MTCL1: variants seen among roughly 807,000 people sequenced by gnomAD.
MTCL1 encodes microtubule cross-linking factor 1.
Under a neutral mutation model 141.4 loss-of-function variants are expected in MTCL1, and 79 were observed. The ratio of observed to expected loss-of-function variants is 0.56; its 90% CI spans 0.47 to 0.67. MTCL1 has a LOEUF of 0.67. Ranked by LOEUF, MTCL1 falls within the 30% of genes least tolerant of loss-of-function variation. MTCL1 has a pLI of 0.00. For synonymous variants in MTCL1, 914 were observed against 875.8 expected, an observed-to-expected ratio of 1.04 and a Z score of -0.77; for missense variants, 2,177 against 2,113.9, an observed-to-expected ratio of 1.03 and a Z score of -0.59.
intron 4 of MTCL1, among the ~76,000 whole-genome samples, chr18:8,742,909 T>G (rs938405575): frequency 6.6e-6 from 1 of 152,220 alleles, no homozygotes; most frequent in African/African-American, 2.4e-5. Flanking sequence ...TGAAAACACA[T>G]GCACCACTCA....
At chr18:8,737,008 C>T (rs1233708130) in intron 4 of MTCL1, among the ~76,000 whole-genome samples, 1 of 152,142 alleles carries the variant, frequency 6.6e-6, no homozygotes, top group Non-Finnish European at 1.5e-5. Flanking sequence ...GAGTAGAAAC[C>T]TCAGGAGGCA....
At chr18:8,710,739 G>A (rs1170114035) in intron 1 of MTCL1, among the ~76,000 whole-genome samples, 1 of 151,280 alleles carries the variant, frequency 6.6e-6, no homozygotes, top group Admixed American at 6.6e-5. Context: ...ATAAATGGGG[G>A]CAGGGAGTAA....
chr18:8,786,274 G>A (rs1353386111), intron 7 of MTCL1, 183 bp downstream of exon 6: 1 of 746,526 alleles, frequency 1.3e-6, no homozygotes, highest in East Asian at 2.7e-5. Flanking sequence ...GGTGTGCGCA[G>A]GTGCCTGCGG....
At chr18:8,821,131 A>G (rs898113575) in intron 13 of MTCL1, among the ~76,000 whole-genome samples, 1 of 152,150 alleles carries the variant, frequency 6.6e-6, no homozygotes, top group African/African-American at 2.4e-5. Flanking sequence ...GTTGTTACAA[A>G]TCCCGCTTTG....
rs2076420477 is a variant in MTCL1, at chr18:8,809,779, G to A, written c.2604+2719G>A. Reference sequence around the variant, plus strand: ...CAGGAACGCAGAGAGACAACCAGTTGGGATGGAAAGGGGACAGGTTGGATT... The same window carrying A: ...CAGGAACGCAGAGAGACAACCAGTTAGGATGGAAAGGGGACAGGTTGGATT... On this transcript the variant is annotated intron_variant, in intron 11 of 16. Transcript: ENST00000359865. 1.9e-5 allele frequency: 12 copies of A among 643,822 alleles called. No individual in the cohort carries two copies. The South Asian group carries it at 2.5e-4, about 13-fold the overall frequency. 39.9% of individuals were successfully genotyped at this position (643,822 alleles called of 1,614,324 possible).
chr18:8,806,793 A>T, intron 10 of MTCL1, 100 bp from the exon 10 acceptor site: 6 of 743,380 alleles, frequency 8.1e-6, no homozygotes, highest in South Asian at 1.6e-5. Flanking sequence ...AACACCTGGG[A>T]AACAGCCCCC....
intron 4 of MTCL1, among the ~76,000 whole-genome samples, chr18:8,765,731 G>A (rs2096456804): frequency 1.3e-5 from 2 of 152,222 alleles, no homozygotes; most frequent in South Asian, 2.1e-4. Flanking sequence ...GAGAACCGAA[G>A]CATTAGAAGG....
chr18:8,755,751 C>T (rs75345776), intron 4 of MTCL1, among the ~76,000 whole-genome samples: 22 of 152,302 alleles, frequency 1.4e-4, no homozygotes, highest in East Asian at 5.8e-4. Context: ...GAGTGGGGCA[C>T]GGAGGAGGAT....
chr18:8,813,074 C>T (rs1341187240), exon 12 of MTCL1: 12 of 1,614,042 alleles, frequency 7.4e-6, no homozygotes, highest in Non-Finnish European at 1.0e-5. Flanking sequence ...ACCAGAAGCT[C>T]CTGGCAGACA....
At chr18:8,773,145 A>T (rs903294830) in intron 4 of MTCL1, among the ~76,000 whole-genome samples, 2 of 152,162 alleles carry the variant, frequency 1.3e-5, no homozygotes, top group Non-Finnish European at 2.9e-5. Context: ...CTCATTTATA[A>T]ATCTTGGTGC....
chr18:8,749,451 CAG>C (rs2096359156), intron 4 of MTCL1, among the ~76,000 whole-genome samples: 2 of 152,122 alleles, frequency 1.3e-5, no homozygotes, highest in African/African-American at 4.8e-5. Context: ...ACTCTGAAGG[CAG>C]AGGGTGCTGT....
At position 8,810,187 on chromosome 18, in the gene MTCL1, A is replaced by G. The variant is rs992638056; in HGVS notation, c.2605-2792A>G. On this transcript the variant is annotated intron_variant, in intron 11 of 16. Coordinates refer to ENST00000359865, the Ensembl canonical transcript of MTCL1. This position sits in a 1 kb window ranked among gnomAD's most constrained non-coding sequence, Gnocchi z 5.0. ...GGGCACTGCAAAACTTGACAAGAAC[A>G]GTTGCCGTCAGGTGTGCGGGGCTGA... 1 of 152,958 alleles carries G rather than the reference A, an allele frequency of 6.5e-6. No individual in the cohort carries two copies. The highest frequency in any genetic ancestry group is 1.5e-5 in the Non-Finnish European group (1 of 68,556). 9.5% of individuals were successfully genotyped at this position (152,958 alleles called of 1,614,324 possible). A position where few individuals can be genotyped will look rare whatever the true frequency, so the allele number is the denominator to read the frequency against.
At chr18:8,760,425 A>G (rs994422962) in intron 4 of MTCL1, among the ~76,000 whole-genome samples, 19 of 152,176 alleles carry the variant, frequency 1.2e-4, no homozygotes, top group Non-Finnish European at 2.1e-4. Context: ...TGCAAGTGCC[A>G]TGTTTGCTAA....
At chr18:8,743,058 G>T (rs574624550) in intron 4 of MTCL1, among the ~76,000 whole-genome samples, 1 of 152,292 alleles carries the variant, frequency 6.6e-6, no homozygotes, top group East Asian at 1.9e-4. Flanking sequence ...TTAACTACTT[G>T]GGAAAATTGA....
rs1446730417 is a variant in MTCL1 at position 8,830,166 on chromosome 18, G to T, written c.*18+1202G>T. On this transcript the variant is annotated intron_variant, in intron 16 of 16. Transcript: ENST00000359865. The surrounding 1 kb of genome is among the most constrained non-coding windows in gnomAD (Gnocchi z 6.4). ...CAAGCACTGTGGGCTGCAGTGAGAT[G>T]AGGACACAGGAGCACCTTGGGTTAG... is the stretch of plus-strand genomic sequence containing the variant. 1 of 985,384 alleles carries T rather than the reference G, an allele frequency of 1.0e-6. No homozygotes were observed. The highest frequency in any genetic ancestry group is 1.2e-6 in the Non-Finnish European group (1 of 829,984). 61.0% of individuals were successfully genotyped at this position (985,384 alleles called of 1,614,324 possible). A position where few individuals can be genotyped will look rare whatever the true frequency, so the allele number is the denominator to read the frequency against.
chr18:8,829,130 G>T (rs2077118719), intron 16 of MTCL1: 6 of 985,462 alleles, frequency 6.1e-6, no homozygotes, highest in Non-Finnish European at 7.2e-6. Flanking sequence ...GATTGATAAG[G>T]CCAGAGACTC....
intron 7 of MTCL1, among the ~76,000 whole-genome samples, chr18:8,791,972 C>A (rs2075744088): frequency 6.6e-6 from 1 of 152,154 alleles, no homozygotes; most frequent in Non-Finnish European, 1.5e-5. Flanking sequence ...GGGAGGTGCT[C>A]TGCTCTTTTA....
chr18:8,745,214 C>A (rs1418995937), intron 4 of MTCL1, among the ~76,000 whole-genome samples: 1 of 152,102 alleles, frequency 6.6e-6, no homozygotes, highest in Non-Finnish European at 1.5e-5. Context: ...AAAGAATACC[C>A]ATCTTAGGAA....
intron 11 of MTCL1, chr18:8,809,728 G>A (rs545730610): frequency 1.7e-4 from 184 of 1,069,406 alleles, no homozygotes; most frequent in Non-Finnish European, 2.3e-4. Context: ...TAGTACGGGT[G>A]CCTGGGCGAT....
Sources: gnomAD v4.1 joint callset for allele counts (sites outside exome capture counted in the v4.1 genomes callset) on GRCh38, gnomAD v4.1.1 for gene constraint, Gnocchi (gnomAD v3.1) non-coding constraint, MANE v1.5 for transcripts, NCBI Gene and HGNC (gene_info 2026-07-23, HGNC 2026-07-21) for gene names.